Variants in MYT1L observed in about 807,000 individuals in gnomAD.
MYT1L encodes myelin transcription factor 1 like.
MYT1L carries 12 observed loss-of-function variants against 126.7 expected under a neutral mutation model. The observed-to-expected ratio is 0.09, with a 90% CI of 0.06 to 0.15. MYT1L has a LOEUF of 0.15. Among genes scored for constraint, MYT1L ranks in the 10% least tolerant of loss-of-function variants. The probability of loss-of-function intolerance (pLI) is 1.00; values close to 1 mark genes in which losing one functional copy is unlikely to be tolerated. For synonymous variants in MYT1L, 541 were observed against 604.2 expected (o/e 0.90, Z 1.53); for missense variants, 979 against 1,585.2 (o/e 0.62, Z 6.49).
chr2:2,123,632 G>C (rs908549295), intron 3 of MYT1L, among the ~76,000 whole-genome samples: 2 of 152,190 alleles, frequency 1.3e-5, no homozygotes, highest in African/African-American at 4.8e-5. Context: ...CGCCATGACT[G>C]TAAGTTTCCT....
intron 3 of MYT1L, among the ~76,000 whole-genome samples, chr2:2,123,376 G>A (rs112763736): frequency 1.4e-4 from 21 of 152,260 alleles, no homozygotes; most frequent in African/African-American, 4.6e-4. Flanking sequence ...GTTAAAGTCC[G>A]CAGATGGGAA....
chr2:2,103,471 C>T lies in MYT1L; in HGVS notation c.-303-49348G>A, dbSNP rs180983191. ...CAGCCAGTTAGTGGTGGCATGTCTG[C>T]GGGGCAGAATGGAGGCGGCCATTCA... On this transcript the variant is annotated intron_variant, in intron 3 of 24. Coordinates refer to ENST00000647738, the MANE Select transcript of MYT1L (RefSeq NM_001303052.2). Among the ~76,000 whole-genome samples, 617 of 152,332 alleles carry T rather than the reference C, an allele frequency of 4.1e-3. 4 individuals carry two copies. The highest frequency in any genetic ancestry group is 0.014 in the African/African-American group (585 of 41,566).
intron 18 of MYT1L, among the ~76,000 whole-genome samples, chr2:1,864,673 G>T (rs537025704): frequency 4.9e-4 from 74 of 152,294 alleles, no homozygotes; most frequent in African/African-American, 1.8e-3. Context: ...GGAGGCACGG[G>T]TGCCCCTCCA....
chr2:1,898,411 C>T (rs2049898501), intron 14 of MYT1L, among the ~76,000 whole-genome samples: 1 of 152,206 alleles, frequency 6.6e-6, no homozygotes, highest in East Asian at 1.9e-4. Flanking sequence ...GCTTTCTAGC[C>T]TGTGGGATGA....
At chr2:2,115,391 A>C (rs1457901509) in intron 3 of MYT1L, among the ~76,000 whole-genome samples, 1 of 152,232 alleles carries the variant, frequency 6.6e-6, no homozygotes. Context: ...GAACCCCCAC[A>C]ATAAAAATTT....
At position 1,839,256 on chromosome 2, in the gene MYT1L, A is replaced by G; in HGVS notation, c.2973T>C (p.Asn991=). 6.2e-7 allele frequency: 1 copy of G among 1,613,794 alleles called. No homozygotes were observed. Among genetic ancestry groups the G allele is most frequent in the African/African-American group, 1.3e-5 (1 of 75,074 alleles). ...CCGACTTCCAGGAGAACTGGGAGCCATTCAGGTACCCGTCTTTCTGCCTCT... is the reference window on the plus strand; with the variant it reads ...CCGACTTCCAGGAGAACTGGGAGCCGTTCAGGTACCCGTCTTTCTGCCTCT... ...AAKRQKDGYL[N]GSQFSWKSVK... The change falls in exon 21 of 25, where the codon AAT becomes AAC. Residue 991 remains asparagine, a synonymous_variant. Coordinates refer to ENST00000647738, the MANE Select transcript of MYT1L (RefSeq NM_001303052.2).
At chr2:2,039,757 G>A (rs2067318300) in intron 4 of MYT1L, among the ~76,000 whole-genome samples, 1 of 152,182 alleles carries the variant, frequency 6.6e-6, no homozygotes, top group Non-Finnish European at 1.5e-5. Flanking sequence ...GCATCAGCCC[G>A]CTCATGCTTC....
chr2:2,237,618 A>C (rs2094350365), intron 2 of MYT1L, among the ~76,000 whole-genome samples: 1 of 152,186 alleles, frequency 6.6e-6, no homozygotes, highest in Non-Finnish European at 1.5e-5. Context: ...AGTGAGAGGA[A>C]GCCTCCCTTC....
intron 2 of MYT1L, among the ~76,000 whole-genome samples, chr2:2,264,091 G>A (rs1471016734): frequency 6.6e-6 from 1 of 152,178 alleles, no homozygotes; most frequent in African/African-American, 2.4e-5. Context: ...ATCCATGGTG[G>A]CAGGGTTAGA....
At chr2:2,115,426 C>A (rs73911395) in intron 3 of MYT1L, among the ~76,000 whole-genome samples, 3 of 152,158 alleles carry the variant, frequency 2.0e-5, no homozygotes, top group Admixed American at 2.0e-4. Context: ...GGTTCTCTCA[C>A]GTTTTTATAA....
At chr2:2,079,025 G>A (rs912080668) in intron 3 of MYT1L, among the ~76,000 whole-genome samples, 2 of 152,146 alleles carry the variant, frequency 1.3e-5, no homozygotes, top group South Asian at 2.1e-4. Flanking sequence ...AGGATGCAGT[G>A]AGAAGACAAA....
intron 3 of MYT1L, among the ~76,000 whole-genome samples, chr2:2,143,289 CAAAAA>C (rs781544456): frequency 1.8e-5 from 1 of 55,030 alleles, no homozygotes. Context: ...GACTCCGTCT[CAAAAA>C]AAAAAAAAAA....
intron 8 of MYT1L, among the ~76,000 whole-genome samples, chr2:1,951,633 T>C (rs1376969017): frequency 6.6e-6 from 1 of 152,186 alleles, no homozygotes; most frequent in Non-Finnish European, 1.5e-5. Context: ...TGCCCCTGTT[T>C]AACCGCGGGA....
intron 2 of MYT1L, among the ~76,000 whole-genome samples, chr2:2,266,211 A>G (rs949897312): frequency 2.0e-4 from 31 of 152,230 alleles, no homozygotes; most frequent in African/African-American, 7.5e-4. Flanking sequence ...TGCAGCTCCA[A>G]ATTGACTCAT....
intron 8 of MYT1L, among the ~76,000 whole-genome samples, chr2:1,959,115 T>C (rs1189082897): frequency 1.3e-5 from 2 of 152,250 alleles, no homozygotes. Flanking sequence ...CAACAATCAA[T>C]AGGTGTCAGA....
intron 3 of MYT1L, among the ~76,000 whole-genome samples, chr2:2,127,064 C>A (rs773780311): frequency 5.3e-5 from 8 of 152,174 alleles, no homozygotes; most frequent in Non-Finnish European, 8.8e-5. Context: ...ACTAGTCAAC[C>A]CACCTTTAAA....
At chr2:2,136,991 T>C (rs1379307252) in intron 3 of MYT1L, among the ~76,000 whole-genome samples, 3 of 152,188 alleles carry the variant, frequency 2.0e-5, no homozygotes, top group Non-Finnish European at 4.4e-5. Flanking sequence ...TTCAGCAAAG[T>C]CTCAGGATAC....
chr2:1,884,813 A>C (rs34663715), intron 18 of MYT1L, among the ~76,000 whole-genome samples: 2,443 of 152,352 alleles, frequency 0.016, 39 homozygotes, highest in Non-Finnish European at 0.027. Context: ...GGGGCTGCCC[A>C]TGCGCACCCT....
At chr2:1,964,897 AG>A (rs2059219640) in intron 8 of MYT1L, among the ~76,000 whole-genome samples, 2 of 152,326 alleles carry the variant, frequency 1.3e-5, no homozygotes, top group African/African-American at 4.8e-5. Flanking sequence ...GTCACGGGCA[AG>A]GAAGACTGAC....
Sources: gnomAD v4.1 joint callset for allele counts (sites outside exome capture counted in the v4.1 genomes callset) on GRCh38, gnomAD v4.1.1 for gene constraint, MANE v1.5 for transcripts, NCBI Gene and HGNC (gene_info 2026-07-23, HGNC 2026-07-21) for gene names.